Variants in CCDC33 observed in about 807,000 individuals in gnomAD.
The protein encoded by CCDC33 is coiled-coil domain containing 33.
CCDC33 carries 94 observed loss-of-function variants against 91.9 expected under a neutral mutation model. The observed-to-expected ratio is 1.02, with a 90% confidence interval of 0.87 to 1.21. The LOEUF is 1.21. Ranked by LOEUF, CCDC33 falls within the 50% of genes most tolerant of loss-of-function variation. The pLI, the probability that CCDC33 is intolerant of heterozygous loss-of-function variation, is 0.00. For synonymous variants in CCDC33, 396 were observed against 374.5 expected (o/e 1.06, Z -0.66); for missense variants, 940 against 935.5 (o/e 1.00, Z -0.06).
At chr15:74,331,370 T>C in intron 15 of CCDC33, 74 bp downstream of exon 15, 1 of 1,471,900 alleles carries the variant, frequency 6.8e-7, no homozygotes, top group Non-Finnish European at 9.4e-7. Context: ...TCCTGGAGCC[T>C]CTCAGCTTCA....
chr15:74,261,300 G>A (rs1436144216), intron 2 of CCDC33, among the ~76,000 whole-genome samples: 5 of 152,214 alleles, frequency 3.3e-5, no homozygotes, highest in African/African-American at 1.2e-4. Context: ...CGTCACTTAA[G>A]TCTAAAGGGC....
chr15:74,257,408 C>A (rs930401667), intron 2 of CCDC33, among the ~76,000 whole-genome samples: 28 of 152,180 alleles, frequency 1.8e-4, no homozygotes, highest in African/African-American at 6.5e-4. Flanking sequence ...GCACTGACTC[C>A]CTGCCTCAGA....
intron 18 of CCDC33, 103 bp downstream of exon 18, chr15:74,335,191 C>A: frequency 1.1e-6 from 1 of 910,372 alleles, no homozygotes; most frequent in Non-Finnish European, 1.9e-6. Context: ...ATTGTGGAGC[C>A]AACTCCAGGG....
chr15:74,316,710 T>G lies in CCDC33; in HGVS notation c.1291-13479T>G, dbSNP rs2060094381. On this transcript the variant is annotated intron_variant, in intron 11 of 18. Transcript: ENST00000398814. This position sits in a 1 kb window ranked among gnomAD's most constrained non-coding sequence, Gnocchi z 4.7. ...ACCACGGGCCTCCCTTTCATTTCCC[T>G]GGAGGGGTGCTAGACCCTCCAGAGC... 6.6e-6 allele frequency among the ~76,000 whole-genome samples: 1 copy of G among 152,118 alleles called. No individual in the cohort carries two copies. Among genetic ancestry groups the G allele is most frequent in the South Asian group, 2.1e-4 (1 of 4,832 alleles).
At chr15:74,255,723 G>A (rs982612680) in intron 2 of CCDC33, among the ~76,000 whole-genome samples, 1 of 152,230 alleles carries the variant, frequency 6.6e-6, no homozygotes, top group Non-Finnish European at 1.5e-5. Flanking sequence ...AGGCTGGACC[G>A]AGGCGCTCAG....
intron 18 of CCDC33, 49 bp downstream of exon 18, chr15:74,335,137 G>A (rs765211483): frequency 4.3e-6 from 6 of 1,404,502 alleles, no homozygotes; most frequent in South Asian, 3.5e-5. Flanking sequence ...TGGTGGAGCA[G>A]GAAGCCACCG....
At chr15:74,235,887 A>C (rs1010966192), upstream of CCDC33, among the ~76,000 whole-genome samples, 1 of 152,128 alleles carries the variant, frequency 6.6e-6, no homozygotes, top group Non-Finnish European at 1.5e-5. Context: ...GTATGCTCTT[A>C]CCCTCTTCTC....
intron 1 of CCDC33, among the ~76,000 whole-genome samples, chr15:74,240,802 CG>C (rs752486636): frequency 3.9e-5 from 6 of 152,120 alleles, no homozygotes; most frequent in African/African-American, 1.2e-4. Context: ...CATGTTGGCC[CG>C]GCTGGTCTCG....
At position 74,262,477 on chromosome 15, in the gene CCDC33, A is replaced by G; in HGVS notation, c.223A>G (p.Lys75Glu). 6.2e-7 allele frequency: 1 copy of G among 1,614,088 alleles called. No individual in the cohort carries two copies. Among genetic ancestry groups the G allele is most frequent in the Non-Finnish European group, 8.5e-7 (1 of 1,179,962 alleles). The change falls in exon 3 of 19, where the codon AAG (lysine) becomes GAG (glutamate). Residue 75 changes from lysine (K) to glutamate (E), a missense_variant. Transcript: ENST00000398814. The part of the protein sequence containing the change: ...TSEEKNNQSS[K>E]AVTSVTSEPT... ...TGAGGAAAAGAACAATCAGAGCTCCAAGGCAGTCACATCTGTGACCTCAGA... is the reference window on the plus strand; with the variant it reads ...TGAGGAAAAGAACAATCAGAGCTCCGAGGCAGTCACATCTGTGACCTCAGA...
At chr15:74,235,354 G>A (rs1210291256), upstream of CCDC33, among the ~76,000 whole-genome samples, 3 of 152,250 alleles carry the variant, frequency 2.0e-5, no homozygotes, top group African/African-American at 7.2e-5. Flanking sequence ...TGGGGGTAGA[G>A]AGGGAGGCTG....
chr15:74,312,097 A>G (rs1460909673), intron 11 of CCDC33: 1 of 152,280 alleles, frequency 6.6e-6, no homozygotes, highest in African/African-American at 2.4e-5. Context: ...AGATGAGGAA[A>G]CTGAGGTTCA....
At chr15:74,263,988 T>C (rs1184166997) in intron 3 of CCDC33, among the ~76,000 whole-genome samples, 1 of 152,100 alleles carries the variant, frequency 6.6e-6, no homozygotes, top group Non-Finnish European at 1.5e-5. Context: ...CCCTGGGCTC[T>C]ACATACTTGG....
chr15:74,237,986 G>T (rs1485147813), intron 1 of CCDC33, among the ~76,000 whole-genome samples: 5 of 151,780 alleles, frequency 3.3e-5, no homozygotes, highest in Admixed American at 1.3e-4. Context: ...AAATTAGCTG[G>T]GTGTGTTGGT....
intron 11 of CCDC33, among the ~76,000 whole-genome samples, chr15:74,307,643 G>A (rs938591167): frequency 3.3e-5 from 5 of 152,046 alleles, no homozygotes; most frequent in Non-Finnish European, 7.4e-5. Flanking sequence ...TAAACACCAA[G>A]ACAAGCTCTG....
At chr15:74,241,716 G>A (rs564420459) in intron 1 of CCDC33, among the ~76,000 whole-genome samples, 2 of 152,346 alleles carry the variant, frequency 1.3e-5, no homozygotes, top group Admixed American at 1.3e-4. Context: ...GGCGAGTCGG[G>A]ACATACAGGT....
chr15:74,223,764 A>ACACACACG (rs1447839280), intron 2 of CCDC33, among the ~76,000 whole-genome samples: 1 of 92,694 alleles, frequency 1.1e-5, no homozygotes, highest in African/African-American at 4.2e-5. Context: ...ACACACACAC[A>ACACACACG]CGCAAGCATG....
At chr15:74,288,693 C>A (rs1405278569) in intron 10 of CCDC33, among the ~76,000 whole-genome samples, 1 of 152,162 alleles carries the variant, frequency 6.6e-6, no homozygotes, top group African/African-American at 2.4e-5. Flanking sequence ...AGCTTGAGAT[C>A]ATTCTGGACC....
intron 6 of CCDC33, 95 bp downstream of exon 6, chr15:74,271,889 A>C (rs1595994777): frequency 1.0e-6 from 1 of 999,306 alleles, no homozygotes. Flanking sequence ...TGATTCCAGG[A>C]CCTCCGGCAA....
chr15:74,242,982 C>T (rs2075395881), intron 1 of CCDC33, among the ~76,000 whole-genome samples: 1 of 152,160 alleles, frequency 6.6e-6, no homozygotes, highest in Admixed American at 6.5e-5. Context: ...AGGCCTCCTC[C>T]TCCCTGCTGT....
Sources: gnomAD v4.1 joint callset for allele counts (sites outside exome capture counted in the v4.1 genomes callset) on GRCh38, gnomAD v4.1.1 for gene constraint, Gnocchi (gnomAD v3.1) non-coding constraint, MANE v1.5 for transcripts, NCBI Gene and HGNC (gene_info 2026-07-23, HGNC 2026-07-21) for gene names.